Variants in ZNF577 observed in about 807,000 individuals in gnomAD.
The protein encoded by ZNF577 is zinc finger protein 577.
In ZNF577, 14 loss-of-function variants were observed where a neutral mutation model predicts 13.9. The observed-to-expected ratio is 1.00, with a 90% CI of 0.66 to 1.57. ZNF577 has a LOEUF of 1.57. Ranked by LOEUF, ZNF577 falls within the 40% of genes most tolerant of loss-of-function variation. ZNF577 has a pLI of 0.00. For missense variants in ZNF577, 555 were observed against 579.2 expected (o/e 0.96, Z 0.43); for synonymous variants, 203 against 202.9 (o/e 1.00, Z 0.00).
rs1185195948 is a variant in ZNF577, at chr19:51,824,764, C to T, written c.*600-13090G>A. ...TCAGCCCAGACCAGCAACACAGACA[C>T]CACTTCTGCTTCACCTCCTGAGGAG... On this transcript the variant is annotated intron_variant and NMD_transcript_variant, in intron 9 of 10. Transcript: ENST00000638827. This position sits in a 1 kb window ranked among gnomAD's most constrained non-coding sequence, Gnocchi z 4.7. The T allele has an allele frequency of 1.9e-6, 3 of 1,613,786 alleles. No individual in the cohort carries two copies. In the Admixed American group the frequency reaches 5.0e-5, roughly 27 times the overall value.
intron 9 of ZNF577, among the ~76,000 whole-genome samples, chr19:51,813,162 C>CACACACA (rs1407461186): frequency 1.5e-5 from 2 of 135,052 alleles, no homozygotes; most frequent in African/African-American, 5.6e-5. Flanking sequence ...ACACACACAC[C>CACACACA]CCATAAATTT....
Position 51,869,684 on chromosome 19 carries a change from G to A in ZNF577, c.*2848C>T, listed in dbSNP as rs191367835. ...ACGAGAAACACCCACAGGTGTGGACGGGCTGGACCCCTTCAATGTGGAGAA... is the reference window on the plus strand; with the variant it reads ...ACGAGAAACACCCACAGGTGTGGACAGGCTGGACCCCTTCAATGTGGAGAA... On this transcript the variant is annotated 3_prime_UTR_variant, in exon 6 of 6. Transcript: ENST00000638348. Among the ~76,000 whole-genome samples the A allele has an allele frequency of 5.6e-4, 85 of 152,226 alleles. 1 individual carries two copies. The South Asian group carries it at 5.8e-3, about 10-fold the overall frequency.
chr19:51,816,554 G>A (rs1361557581), intron 9 of ZNF577, among the ~76,000 whole-genome samples: 2 of 152,162 alleles, frequency 1.3e-5, no homozygotes, highest in African/African-American at 2.4e-5. Flanking sequence ...GGCCTAAGAT[G>A]TACTCTTTAG....
At position 51,838,996 on chromosome 19, in the gene ZNF577, G is replaced by T. The variant is rs56828573; in HGVS notation, c.*599+897C>A. Among the ~76,000 whole-genome samples the T allele has an allele frequency of 4.6e-3, 703 of 152,208 alleles. 7 individuals carry two copies. The highest frequency in any genetic ancestry group is 0.016 in the African/African-American group (680 of 41,522). On this transcript the variant is annotated intron_variant and NMD_transcript_variant, in intron 9 of 10. Transcript: ENST00000638827. ...AATTGCCACAGAAAGGTATATATTT[G>T]AATAATAATAAAAGAACATTTCTCA... is the stretch of plus-strand genomic sequence containing the variant.
chr19:51,879,235 C>G (rs1483302966), intron 3 of ZNF577, among the ~76,000 whole-genome samples: 1 of 138,086 alleles, frequency 7.2e-6, no homozygotes, highest in African/African-American at 2.7e-5. Flanking sequence ...GCAGCCTGGG[C>G]GACAGAGCAA....
chr19:51,835,366 A>G (rs2122527031), intron 9 of ZNF577, among the ~76,000 whole-genome samples: 1 of 151,918 alleles, frequency 6.6e-6, no homozygotes, highest in African/African-American at 2.4e-5. Context: ...AAATCTAAAT[A>G]GTCCAATACC....
intron 5 of ZNF577, among the ~76,000 whole-genome samples, chr19:51,856,427 C>G (rs747524079): frequency 2.6e-5 from 4 of 152,202 alleles, no homozygotes; most frequent in Non-Finnish European, 5.9e-5. Context: ...ATGCTTCCAT[C>G]AAGTATCTCA....
intron 5 of ZNF577, among the ~76,000 whole-genome samples, chr19:51,857,372 A>AAGAG: frequency 1.1e-5 from 1 of 88,710 alleles, no homozygotes; most frequent in East Asian, 3.0e-4. Flanking sequence ...GAAGGAAAGA[A>AAGAG]AGAAAGAAAG....
intron 5 of ZNF577, 145 bp downstream of exon 5, chr19:51,877,137 A>G (rs768547548): frequency 8.1e-6 from 5 of 615,402 alleles, no homozygotes; most frequent in Non-Finnish European, 1.4e-5. Flanking sequence ...AGGGATGGAC[A>G]CAGATGCAGA....
At chr19:51,835,449 T>C (rs1285788351) in intron 9 of ZNF577, among the ~76,000 whole-genome samples, 1 of 149,838 alleles carries the variant, frequency 6.7e-6, no homozygotes, top group Non-Finnish European at 1.5e-5. Flanking sequence ...TTGTTTCACC[T>C]GTGAATTCTA....
chr19:51,811,957 A>T (rs1390274656), intron 9 of ZNF577, among the ~76,000 whole-genome samples: 1 of 152,128 alleles, frequency 6.6e-6, no homozygotes, highest in Non-Finnish European at 1.5e-5. Context: ...CACTAAATGT[A>T]CTCACTTTGC....
intron 9 of ZNF577, among the ~76,000 whole-genome samples, chr19:51,818,084 C>G (rs898138254): frequency 2.0e-5 from 3 of 151,690 alleles, no homozygotes; most frequent in African/African-American, 7.3e-5. Flanking sequence ...AGCTGGAAAC[C>G]ATCATTCTCA....
At chr19:51,811,557 A>G (rs889563105) in exon 10 of ZNF577, 2 of 152,094 alleles carry the variant, frequency 1.3e-5, no homozygotes, top group Non-Finnish European at 2.9e-5. Context: ...GATCTTCTTC[A>G]TTCACATCCT....
rs1249541502 is a variant in ZNF577, at chr19:51,869,133, G to A, written c.*3399C>T. Among the ~76,000 whole-genome samples, 2 of 152,116 alleles carry A rather than the reference G, an allele frequency of 1.3e-5. No homozygotes were observed. Among genetic ancestry groups the A allele is most frequent in the African/African-American group, 4.8e-5 (2 of 41,436 alleles). ...GTCCCCAAGCCCGATACCCATAAAG[G>A]GTCTGTGCTGAGGAGGATTAGTGAA... is the stretch of plus-strand genomic sequence containing the variant. On this transcript the variant is annotated 3_prime_UTR_variant, in exon 6 of 6. Coordinates refer to ENST00000638348, the MANE Select transcript of ZNF577 (RefSeq NM_001370449.1).
At chr19:51,876,133 T>C (rs987371018) in intron 5 of ZNF577, among the ~76,000 whole-genome samples, 1 of 152,194 alleles carries the variant, frequency 6.6e-6, no homozygotes, top group African/African-American at 2.4e-5. Context: ...TGGCAAAATA[T>C]AGAATAAGAA....
At chr19:51,850,040 T>C (rs953930063) in intron 5 of ZNF577, among the ~76,000 whole-genome samples, 3 of 152,180 alleles carry the variant, frequency 2.0e-5, no homozygotes, top group Admixed American at 6.5e-5. Context: ...TTGTTCTCTG[T>C]TCTGGGGATG....
chr19:51,887,140 A>C lies in ZNF577; in HGVS notation c.-538T>G, dbSNP rs902084518. The stretch of plus-strand genomic sequence containing the variant: ...CAGAAATGTCCAAGATACGTATGGA[A>C]AAACACTACAGATAGTCAAACAAAT... On this transcript the variant is annotated 5_prime_UTR_variant, in exon 1 of 6. Coordinates refer to ENST00000638348, the MANE Select transcript of ZNF577 (RefSeq NM_001370449.1). The C allele has an allele frequency of 6.6e-6, 1 of 152,256 alleles. No individual in the cohort carries two copies. The highest frequency in any genetic ancestry group is 2.4e-5 in the African/African-American group (1 of 41,470). 9.4% of individuals were successfully genotyped at this position (152,256 alleles called of 1,614,324 possible). A position where few individuals can be genotyped will look rare whatever the true frequency, so the allele number is the denominator to read the frequency against.
chr19:51,845,637 C>T (rs1272113397), intron 5 of ZNF577, among the ~76,000 whole-genome samples: 1 of 152,190 alleles, frequency 6.6e-6, no homozygotes, highest in Admixed American at 6.5e-5. Context: ...CCCTCTCCCT[C>T]CCCCAGCCTT....
rs61736493 is a variant in ZNF577, at chr19:51,824,188, C to G, written c.*600-12514G>C. On this transcript the variant is annotated intron_variant and NMD_transcript_variant, in intron 9 of 10. Coordinates refer to the ZNF577 transcript ENST00000638827. This position sits in a 1 kb window ranked among gnomAD's most constrained non-coding sequence, Gnocchi z 4.7. ...ATGAGTCTGGCCAAGAGGGTGATGA[C>G]GGGACTCTGGATTTTCACCATAGTC... 2 of 1,614,066 alleles carry G rather than the reference C, an allele frequency of 1.2e-6. No individual in the cohort carries two copies. Among genetic ancestry groups the G allele is most frequent in the Non-Finnish European group, 1.7e-6 (2 of 1,179,990 alleles).
Sources: gnomAD v4.1 joint callset for allele counts (sites outside exome capture counted in the v4.1 genomes callset) on GRCh38, gnomAD v4.1.1 for gene constraint, Gnocchi (gnomAD v3.1) non-coding constraint, MANE v1.5 for transcripts, NCBI Gene and HGNC (gene_info 2026-07-23, HGNC 2026-07-21) for gene names.